RGS5: variants seen among roughly 807,000 people sequenced by gnomAD.
RGS5 encodes regulator of G protein signaling 5, also known as regulator of G-protein signalling 5.
In RGS5, 20 loss-of-function variants were observed where a neutral mutation model predicts 18.9. That is an observed-to-expected ratio of 1.06 (90% CI 0.74 to 1.54). RGS5 has a LOEUF of 1.54. Ranked by LOEUF, RGS5 falls within the 40% of genes most tolerant of loss-of-function variation. The probability of loss-of-function intolerance (pLI) is 0.00; values close to 1 mark genes in which losing one functional copy is unlikely to be tolerated. For synonymous variants in RGS5, 57 were observed against 76.2 expected (o/e 0.75, Z 1.31); for missense variants, 201 against 211.8 (o/e 0.95, Z 0.32).
chr1:163,240,363 AG>A (rs1447426714), intron 2 of RGS5, among the ~76,000 whole-genome samples: 1 of 152,114 alleles, frequency 6.6e-6, no homozygotes, highest in African/African-American at 2.4e-5. Flanking sequence ...CCTTACCAAA[AG>A]AATGTATACT....
In RGS5 at chr1:163,152,645, A is replaced by C; in HGVS notation, c.289T>G (p.Cys97Gly). Residue 97 changes from cysteine (C) to glycine (G), a missense_variant, in exon 4 of 5, where the codon TGT becomes GGT. By Grantham distance (159) the Cys-to-Gly change is radical (BLOSUM62 -3). Transcript: ENST00000313961. ...GACTTGATCTTCTTGTAATCCTCAC[A>C]GGCAATCCAGAACTCAAGGTTTTCC... ...SEENLEFWIACEDYKKIKSPA... is the reference protein window; with the variant it reads ...SEENLEFWIAGEDYKKIKSPA... 1 of 1,612,970 alleles carries C rather than the reference A, an allele frequency of 6.2e-7. No homozygotes were observed. The highest frequency in any genetic ancestry group is 1.7e-5 in the Admixed American group (1 of 59,920).
chr1:163,192,366 T>G (rs189285620), intron 1 of RGS5, among the ~76,000 whole-genome samples: 1 of 152,194 alleles, frequency 6.6e-6, no homozygotes, highest in Non-Finnish European at 1.5e-5. Flanking sequence ...TGTTGGAGAA[T>G]TTCTTGGTGG....
At chr1:163,152,849 C>A in intron 3 of RGS5, 133 bp from the exon 4 acceptor site, 1 of 690,150 alleles carries the variant, frequency 1.4e-6, no homozygotes, top group Non-Finnish European at 2.3e-6. Flanking sequence ...TGTCTAGCTT[C>A]CTTTACTCCT....
rs1197046077 is a variant in RGS5 at position 163,143,866 on chromosome 1, C to A, written c.*3476G>T. Reference sequence around the variant, plus strand: ...AGTTTATTAATTTATTTGTTAATGGCCCAGTTTTTATTGAAACTTTTGCAT... The same window carrying A: ...AGTTTATTAATTTATTTGTTAATGGACCAGTTTTTATTGAAACTTTTGCAT... On this transcript the variant is annotated 3_prime_UTR_variant, in exon 5 of 5. Transcript: ENST00000313961. 1 of 152,018 alleles carries A rather than the reference C, an allele frequency of 6.6e-6. No individual in the cohort carries two copies. The highest frequency in any genetic ancestry group is 1.5e-5 in the Non-Finnish European group (1 of 67,992). The allele number at this position is 152,018 out of a possible 1,614,324, so 9.4% of individuals were successfully genotyped here.
chr1:163,174,725 A>G (rs1303989657), intron 1 of RGS5, among the ~76,000 whole-genome samples: 1 of 152,206 alleles, frequency 6.6e-6, no homozygotes, highest in African/African-American at 2.4e-5. Flanking sequence ...AATCAATTAT[A>G]AGACCATAAT....
At chr1:163,303,102 T>C (rs1388239997) in intron 2 of RGS5, among the ~76,000 whole-genome samples, 1 of 152,226 alleles carries the variant, frequency 6.6e-6, no homozygotes, top group Non-Finnish European at 1.5e-5. Flanking sequence ...TAAATTTTAA[T>C]TTCAAATGGA....
rs773976125 is a variant in RGS5 at position 163,142,989 on chromosome 1, T to C, written c.*4353A>G. 6.6e-6 allele frequency: 1 copy of C among 152,226 alleles called. No individual in the cohort carries two copies. The highest frequency in any genetic ancestry group is 1.5e-5 in the Non-Finnish European group (1 of 68,036). The allele number at this position is 152,226 out of a possible 1,614,324, so 9.4% of individuals were successfully genotyped here. On this transcript the variant is annotated 3_prime_UTR_variant, in exon 5 of 5. Coordinates refer to ENST00000313961, the MANE Select transcript of RGS5 (RefSeq NM_003617.4). ...TCCAAATGTTTGTTGTTGTCGTTGT[T>C]GTTGCCGTGGCCTGTGACTCTCTGC...
At chr1:163,196,972 G>A (rs781425468) in intron 1 of RGS5, among the ~76,000 whole-genome samples, 5 of 152,102 alleles carry the variant, frequency 3.3e-5, no homozygotes, top group Admixed American at 6.6e-5. Flanking sequence ...TTTATTTGGT[G>A]TCTACTATAC....
In RGS5 at chr1:163,152,718, T is replaced by A. The variant is rs146345569; in HGVS notation, c.218-2A>T. ...AACTTTTGAAACTGGCAAGTCCATCTGGAAAGAAAAAAACAGTCAGCTGGA... is the reference window on the plus strand; with the variant it reads ...AACTTTTGAAACTGGCAAGTCCATCAGGAAAGAAAAAAACAGTCAGCTGGA... On this transcript the variant is annotated splice_acceptor_variant, in intron 3 of 4. Transcript: ENST00000313961. LOFTEE classifies it high-confidence loss of function. 2 of 1,573,500 alleles carry A rather than the reference T, an allele frequency of 1.3e-6. No homozygotes were observed. Among genetic ancestry groups the A allele is most frequent in the African/African-American group, 2.8e-5 (2 of 72,652 alleles).
intron 2 of RGS5, among the ~76,000 whole-genome samples, chr1:163,292,479 C>A (rs559007624): frequency 6.6e-6 from 1 of 152,240 alleles, no homozygotes; most frequent in South Asian, 2.1e-4. Flanking sequence ...GCAATGAACA[C>A]ACACATGCAT....
intron 4 of RGS5, among the ~76,000 whole-genome samples, chr1:163,148,269 C>T (rs754275850): frequency 6.6e-6 from 1 of 152,032 alleles, no homozygotes; most frequent in African/African-American, 2.4e-5. Context: ...TTTGGTTTCA[C>T]GTCTATTGGA....
chr1:163,241,945 A>G (rs1219690429), intron 2 of RGS5, among the ~76,000 whole-genome samples: 2 of 152,334 alleles, frequency 1.3e-5, no homozygotes, highest in Admixed American at 6.5e-5. Context: ...TAAGTATTCT[A>G]TGCTCAAGAT....
At chr1:163,216,001 G>A (rs989598423) in intron 1 of RGS5, among the ~76,000 whole-genome samples, 1 of 152,140 alleles carries the variant, frequency 6.6e-6, no homozygotes, top group South Asian at 2.1e-4. Context: ...GTTTGCCAGA[G>A]TCAGGCAGAA....
chr1:163,222,285 TC>T, upstream of RGS5, among the ~76,000 whole-genome samples: 1 of 152,192 alleles, frequency 6.6e-6, no homozygotes, highest in Non-Finnish European at 1.5e-5. Context: ...GAGCATGAAC[TC>T]TATTGTGAAC....
At chr1:163,256,309 C>T (rs1164379553) in intron 2 of RGS5, among the ~76,000 whole-genome samples, 1 of 142,150 alleles carries the variant, frequency 7.0e-6, no homozygotes, top group Non-Finnish European at 1.5e-5. Flanking sequence ...CATTCTTATA[C>T]ACCAATAACA....
At chr1:163,229,909 CCTGG>C (rs201450522) in intron 2 of RGS5, among the ~76,000 whole-genome samples, 3,320 of 152,296 alleles carry the variant, frequency 0.022, 42 homozygotes, top group African/African-American at 0.028. Context: ...CCTCCAGATA[CCTGG>C]CTCATAGTAG....
chr1:163,213,586 T>G (rs1660153090), intron 1 of RGS5, among the ~76,000 whole-genome samples: 1 of 152,196 alleles, frequency 6.6e-6, no homozygotes. Context: ...GGCTACTGTT[T>G]ACAGCCTGGA....
chr1:163,179,902 A>G (rs1250090548), intron 1 of RGS5, among the ~76,000 whole-genome samples: 2 of 152,150 alleles, frequency 1.3e-5, no homozygotes, highest in African/African-American at 4.8e-5. Flanking sequence ...ATTTTTATGT[A>G]ACTGTAATAT....
intron 3 of RGS5, among the ~76,000 whole-genome samples, chr1:163,158,699 G>T (rs1357829878): frequency 6.6e-6 from 1 of 152,242 alleles, no homozygotes; most frequent in Middle Eastern, 3.4e-3. Context: ...TGGAGGCAGG[G>T]CAAGATCACA....
Sources: gnomAD v4.1 joint callset for allele counts (sites outside exome capture counted in the v4.1 genomes callset) on GRCh38, gnomAD v4.1.1 for gene constraint, MANE v1.5 for transcripts, NCBI Gene and HGNC (gene_info 2026-07-23, HGNC 2026-07-21) for gene names.